DNAH14: variants seen among roughly 807,000 people sequenced by gnomAD.
The protein encoded by DNAH14 is dynein axonemal heavy chain 14, also known as axonemal beta dynein heavy chain 14.
Under a neutral mutation model 520.9 loss-of-function variants are expected in DNAH14, and 478 were observed. That is an observed-to-expected ratio of 0.92 (90% CI 0.85 to 0.99). The LOEUF (loss-of-function observed/expected upper bound fraction) is 0.99, where lower values mean the gene tolerates loss of function less well. Ranked by LOEUF, DNAH14 falls within the 50% of genes least tolerant of loss-of-function variation. DNAH14 has a pLI of 0.00. For missense variants in DNAH14, 4,831 were observed against 5,234.5 expected (o/e 0.92, Z 2.38); for synonymous variants, 1,581 against 1,757.2 (o/e 0.90, Z 2.51).
At position 225,144,449 on chromosome 1, in the gene DNAH14, G is replaced by A; in HGVS notation, c.4561G>A (p.Gly1521Arg). Residue 1521 changes from glycine to arginine, a missense_variant, in exon 29 of 86, where the codon GGA becomes AGA. Transcript: ENST00000682510. ...EKQKLCYVSQ[G>R]NASFTYGYEY... ...ACAAAAGTTGTGCTATGTGTCTCAA[G>A]GAAATGCCAGCTTTACTTATGGCTA... 1 of 1,551,554 alleles carries A rather than the reference G, an allele frequency of 6.4e-7. No homozygotes were observed. Among genetic ancestry groups the A allele is most frequent in the East Asian group, 2.4e-5 (1 of 40,904 alleles).
intron 12 of DNAH14, among the ~76,000 whole-genome samples, chr1:225,041,817 G>A (rs544750206): frequency 1.3e-5 from 2 of 152,228 alleles, no homozygotes; most frequent in South Asian, 2.1e-4. Flanking sequence ...GGTTATTTTC[G>A]AGAATAAGCT....
chr1:225,331,299 T>C, intron 64 of DNAH14, 138 bp from the exon 65 acceptor site: 6 of 758,274 alleles, frequency 7.9e-6, no homozygotes, highest in South Asian at 2.3e-5. Context: ...TTTTCATTGG[T>C]AATATAATCC....
intron 8 of DNAH14, 137 bp downstream of exon 8, chr1:224,974,290 C>G (rs1572166079): frequency 4.2e-6 from 2 of 477,530 alleles, no homozygotes; most frequent in East Asian, 4.2e-5. Context: ...TAAACTTAAC[C>G]CATTTTTATT....
chr1:225,034,242 C>T (rs2066762710), intron 11 of DNAH14, among the ~76,000 whole-genome samples: 1 of 152,054 alleles, frequency 6.6e-6, no homozygotes, highest in Non-Finnish European at 1.5e-5. Context: ...CCTTCAACAC[C>T]TGGTTTATTG....
At chr1:225,064,855 A>G (rs2070656936) in intron 17 of DNAH14, among the ~76,000 whole-genome samples, 1 of 152,004 alleles carries the variant, frequency 6.6e-6, no homozygotes, top group Non-Finnish European at 1.5e-5. Context: ...ACAAATATGT[A>G]TGAGTGTGTT....
intron 41 of DNAH14, among the ~76,000 whole-genome samples, chr1:225,211,748 G>A (rs977829051): frequency 7.9e-5 from 12 of 152,174 alleles, no homozygotes; most frequent in Admixed American, 7.8e-4. Context: ...CAGAGAGAAA[G>A]GTTGGGTTAC....
intron 41 of DNAH14, among the ~76,000 whole-genome samples, chr1:225,230,371 A>G (rs777468021): frequency 4.6e-5 from 7 of 152,126 alleles, no homozygotes; most frequent in Non-Finnish European, 8.8e-5. Context: ...TTTTTATATA[A>G]TCTATATCTT....
rs1480105354 is a variant in DNAH14 at position 225,119,244 on chromosome 1, A to T, written c.4116A>T (p.Val1372=). The change falls in exon 26 of 86, where the codon GTA becomes GTT. Residue 1372 remains valine (V), a synonymous_variant. Transcript: ENST00000682510. ...GGAAAATTCGTGTAAGAAGTGCTGT[A>T]GAACAGTGGCTGGTAAATGTAGAAA... ...LPKKIRVRSA[V]EQWLVNVEKS... is the part of the protein sequence containing the mutation. 5 of 1,527,904 alleles carry T rather than the reference A, an allele frequency of 3.3e-6. No homozygotes were observed. Among genetic ancestry groups the T allele is most frequent in the Non-Finnish European group, 2.6e-6 (3 of 1,136,270 alleles). The allele number at this position is 1,527,904 out of a possible 1,614,324, so 94.6% of individuals were successfully genotyped here.
chr1:225,387,571 G>T (rs2095856648), intron 81 of DNAH14, among the ~76,000 whole-genome samples: 1 of 151,962 alleles, frequency 6.6e-6, no homozygotes, highest in Admixed American at 6.6e-5. Flanking sequence ...GGAAGAAGAG[G>T]TGCCAATGAA....
At chr1:225,356,219 A>G (rs1342143792) in intron 73 of DNAH14, among the ~76,000 whole-genome samples, 1 of 152,162 alleles carries the variant, frequency 6.6e-6, no homozygotes, top group South Asian at 2.1e-4. Flanking sequence ...TTGAGCCAAG[A>G]TTTGAAAATT....
intron 10 of DNAH14, among the ~76,000 whole-genome samples, chr1:225,015,473 T>G (rs2065138206): frequency 1.3e-5 from 2 of 152,206 alleles, no homozygotes; most frequent in South Asian, 2.1e-4. Context: ...CTAGTGAGTT[T>G]TATAGTTTTG....
chr1:225,061,826 A>G (rs1008765985), intron 17 of DNAH14, among the ~76,000 whole-genome samples: 2 of 152,164 alleles, frequency 1.3e-5, no homozygotes, highest in Non-Finnish European at 2.9e-5. Flanking sequence ...CTTAAATTAC[A>G]TACTCCCAGA....
At chr1:225,174,764 A>C (rs1386676926) in intron 36 of DNAH14, among the ~76,000 whole-genome samples, 1 of 152,172 alleles carries the variant, frequency 6.6e-6, no homozygotes, top group East Asian at 1.9e-4. Flanking sequence ...TCTTAGAAGA[A>C]AGGCTTTCAA....
chr1:225,050,356 G>C lies in DNAH14; in HGVS notation c.2059G>C (p.Asp687His). The C allele has an allele frequency of 6.5e-7, 1 of 1,544,196 alleles. No individual in the cohort carries two copies. Among genetic ancestry groups the C allele is most frequent in the Non-Finnish European group, 8.7e-7 (1 of 1,144,726 alleles). Residue 687 changes from aspartate (D) to histidine (H), a missense_variant, in exon 16 of 86, where the codon GAT (aspartate) becomes CAT (histidine). Asp to His is a moderately conservative substitution (Grantham distance 81). Transcript: ENST00000682510. ...AGATTGTCACATCCTTTTTGAAACA[G>C]ATCCTGCCTACCAAAATATAGTAAG... Reference protein sequence around the residue: ...WPDCHILFETDPAYQNIIVNL... With the variant: ...WPDCHILFETHPAYQNIIVNL...
At chr1:225,338,432 G>A (rs931757438) in intron 68 of DNAH14, 3 of 625,280 alleles carry the variant, frequency 4.8e-6, no homozygotes, top group Non-Finnish European at 8.5e-6. Context: ...GGTTTTATGA[G>A]GAGTCTTCAG....
intron 10 of DNAH14, among the ~76,000 whole-genome samples, chr1:225,013,845 T>C (rs2065002049): frequency 6.6e-6 from 1 of 152,194 alleles, no homozygotes; most frequent in South Asian, 2.1e-4. Flanking sequence ...CAGACTGCTG[T>C]GCTGGTAGCG....
chr1:225,018,130 C>T (rs2065363862), intron 10 of DNAH14, among the ~76,000 whole-genome samples: 1 of 152,108 alleles, frequency 6.6e-6, no homozygotes. Flanking sequence ...CATCGAGGTA[C>T]AAGAGAAGGT....
intron 11 of DNAH14, among the ~76,000 whole-genome samples, chr1:225,028,167 T>C (rs1572563800): frequency 1.3e-5 from 2 of 152,246 alleles, no homozygotes; most frequent in East Asian, 3.9e-4. Context: ...GTAGCATTAT[T>C]ACCACCTATC....
At chr1:225,160,554 G>A (rs2081415773) in intron 35 of DNAH14, among the ~76,000 whole-genome samples, 1 of 151,962 alleles carries the variant, frequency 6.6e-6, no homozygotes, top group African/African-American at 2.4e-5. Flanking sequence ...CTCTTTCATG[G>A]TTCTAATCTG....
Sources: allele counts gnomAD v4.1 joint callset (sites outside exome capture counted in the v4.1 genomes callset), GRCh38; gene constraint gnomAD v4.1.1; transcripts MANE v1.5; gene names NCBI Gene and HGNC (gene_info 2026-07-23, HGNC 2026-07-21).